Variants in CSMD1 observed in about 807,000 individuals in gnomAD.
CSMD1 encodes CUB and Sushi multiple domains 1.
CSMD1 carries 213 observed loss-of-function variants against 417.5 expected under a neutral mutation model. The ratio of observed to expected loss-of-function variants is 0.51; its 90% CI spans 0.46 to 0.57. CSMD1 has a LOEUF of 0.57. Ranked by LOEUF, CSMD1 falls within the 20% of genes least tolerant of loss-of-function variation. CSMD1 has a pLI of 0.00. For synonymous variants in CSMD1, 2,862 were observed against 1,736.8 expected, an observed-to-expected ratio of 1.65 and a Z score of -16.11; for missense variants, 6,923 against 4,529.7, an observed-to-expected ratio of 1.53 and a Z score of -15.17.
chr8:4,820,558 G>C (rs569972516), intron 1 of CSMD1, among the ~76,000 whole-genome samples: 3 of 152,150 alleles, frequency 2.0e-5, no homozygotes, highest in South Asian at 2.1e-4. Flanking sequence ...TCCAAGTGAA[G>C]AAAAAAAGTG....
chr8:3,766,149 G>A (rs1000894010), intron 5 of CSMD1, among the ~76,000 whole-genome samples: 4 of 152,210 alleles, frequency 2.6e-5, no homozygotes, highest in Admixed American at 2.0e-4. Flanking sequence ...GCATTTCTCT[G>A]TGGGTGTGTA....
At chr8:3,752,676 C>CAA (rs200769696) in intron 6 of CSMD1, among the ~76,000 whole-genome samples, 2,224 of 96,536 alleles carry the variant, frequency 0.023, 229 homozygotes, top group Non-Finnish European at 0.031. Context: ...CCCCGCCTGG[C>CAA]AAAAAAAAAA....
intron 40 of CSMD1, among the ~76,000 whole-genome samples, chr8:3,143,764 T>C (rs1184657224): frequency 2.0e-5 from 3 of 152,206 alleles, no homozygotes; most frequent in African/African-American, 7.2e-5. Context: ...AAAAAAATTT[T>C]TGCATCTAAT....
At chr8:4,338,245 T>G (rs529416482) in intron 3 of CSMD1, among the ~76,000 whole-genome samples, 1 of 152,302 alleles carries the variant, frequency 6.6e-6, no homozygotes, top group Non-Finnish European at 1.5e-5. Flanking sequence ...TAAGTTAGAA[T>G]AGTTGCAATA....
Position 4,788,215 on chromosome 8 carries a change from C to T in CSMD1, c.86-150657G>A, listed in dbSNP as rs758547696. ...CCATGTGAACTTTGAGTAACATCTGCGCATAAAGGACCAGATGAAACTCTG... is the reference window on the plus strand; with the variant it reads ...CCATGTGAACTTTGAGTAACATCTGTGCATAAAGGACCAGATGAAACTCTG... On this transcript the variant is annotated intron_variant, in intron 1 of 69. Coordinates refer to ENST00000635120, the MANE Select transcript of CSMD1 (RefSeq NM_033225.6). 9.3e-5 allele frequency: 147 copies of T among 1,582,272 alleles called. 1 individual carries two copies. In the East Asian group the frequency reaches 9.4e-4, roughly 10 times the overall value.
chr8:4,326,422 A>T (rs1484786951), intron 3 of CSMD1, among the ~76,000 whole-genome samples: 2 of 152,154 alleles, frequency 1.3e-5, no homozygotes, highest in African/African-American at 4.8e-5. Flanking sequence ...TGGGAAAACC[A>T]ATTAGGCAGC....
intron 5 of CSMD1, among the ~76,000 whole-genome samples, chr8:3,900,257 G>T (rs761055928): frequency 2.0e-5 from 3 of 151,224 alleles, no homozygotes; most frequent in Non-Finnish European, 4.4e-5. Context: ...CAGGGCAGCT[G>T]GGTGACAGCA....
chr8:4,232,752 G>A (rs370534751), intron 3 of CSMD1, among the ~76,000 whole-genome samples: 14 of 152,282 alleles, frequency 9.2e-5, no homozygotes, highest in Admixed American at 2.6e-4. Flanking sequence ...TTAATTCACT[G>A]CTATCTGGTT....
intron 4 of CSMD1, among the ~76,000 whole-genome samples, chr8:4,004,838 G>T (rs568420651): frequency 2.0e-5 from 3 of 152,006 alleles, no homozygotes; most frequent in African/African-American, 7.2e-5. Flanking sequence ...TCCGCCTCCC[G>T]GGTTCACGCC....
At chr8:4,502,836 C>T (rs911040039) in intron 2 of CSMD1, among the ~76,000 whole-genome samples, 1 of 152,048 alleles carries the variant, frequency 6.6e-6, no homozygotes, top group African/African-American at 2.4e-5. Flanking sequence ...CGGTGTGCTG[C>T]CCATAGTAGG....
intron 3 of CSMD1, among the ~76,000 whole-genome samples, chr8:4,053,137 G>A (rs1174204203): frequency 6.6e-6 from 1 of 152,178 alleles, no homozygotes; most frequent in Non-Finnish European, 1.5e-5. Flanking sequence ...TTCTCCATGG[G>A]TGCAGTGTAC....
intron 7 of CSMD1, among the ~76,000 whole-genome samples, chr8:3,674,542 T>C (rs1353164259): frequency 2.6e-5 from 4 of 152,150 alleles, no homozygotes; most frequent in Non-Finnish European, 5.9e-5. Flanking sequence ...ATATTATTAA[T>C]TAAATGCTTA....
At chr8:3,631,287 C>T (rs1043502805) in intron 7 of CSMD1, among the ~76,000 whole-genome samples, 3 of 152,150 alleles carry the variant, frequency 2.0e-5, no homozygotes, top group African/African-American at 7.2e-5. Flanking sequence ...TCATGTAGGC[C>T]CATGGTAGCA....
chr8:3,812,101 C>T (rs988270617), intron 5 of CSMD1, among the ~76,000 whole-genome samples: 2 of 152,024 alleles, frequency 1.3e-5, no homozygotes, highest in African/African-American at 4.8e-5. Flanking sequence ...AAAAGCTACA[C>T]AATAATTTCC....
At chr8:4,073,172 G>C (rs561266131) in intron 3 of CSMD1, among the ~76,000 whole-genome samples, 1 of 152,038 alleles carries the variant, frequency 6.6e-6, no homozygotes, top group Non-Finnish European at 1.5e-5. Context: ...AGAAAAAATC[G>C]AGATGAAGCA....
chr8:4,079,192 G>C (rs956267243), intron 3 of CSMD1, among the ~76,000 whole-genome samples: 10 of 152,008 alleles, frequency 6.6e-5, no homozygotes, highest in Non-Finnish European at 1.2e-4. Flanking sequence ...TAATGTTTTA[G>C]TCTATAGAGA....
At chr8:3,277,450 G>T (rs1802386658) in intron 26 of CSMD1, among the ~76,000 whole-genome samples, 1 of 152,192 alleles carries the variant, frequency 6.6e-6, no homozygotes, top group East Asian at 1.9e-4. Flanking sequence ...CAGGGCACAG[G>T]TTGGGAGAAT....
At chr8:3,373,267 T>G (rs1000683496) in intron 18 of CSMD1, 1 of 152,216 alleles carries the variant, frequency 6.6e-6, no homozygotes, top group Non-Finnish European at 1.5e-5. Context: ...GAATGTGCTC[T>G]GCCCTCTTTT....
At chr8:4,210,556 A>G (rs933404939) in intron 3 of CSMD1, among the ~76,000 whole-genome samples, 1 of 152,234 alleles carries the variant, frequency 6.6e-6, no homozygotes, top group Non-Finnish European at 1.5e-5. Context: ...GAAAGCACAA[A>G]TAGGAAACAC....
Sources: gnomAD v4.1 joint callset for allele counts (sites outside exome capture counted in the v4.1 genomes callset) on GRCh38, gnomAD v4.1.1 for gene constraint, MANE v1.5 for transcripts, NCBI Gene and HGNC (gene_info 2026-07-23, HGNC 2026-07-21) for gene names.